The following PCDHA9 variants were observed in gnomAD, a reference collection of about 807,000 sequenced individuals.
The protein encoded by PCDHA9 is protocadherin alpha 9, also known as protocadherin alpha-9.
Under a neutral mutation model 62.0 loss-of-function variants are expected in PCDHA9, and 62 were observed. That is an observed-to-expected ratio of 1.00 (90% confidence interval 0.81 to 1.23). The LOEUF is 1.23. PCDHA9 is among the 50% of genes most tolerant of loss of function. The pLI is 0.00. For synonymous variants in PCDHA9, 557 were observed against 567.6 expected (o/e 0.98, Z 0.27); for missense variants, 1,205 against 1,249.8 (o/e 0.96, Z 0.54).
chr5:140,969,205 C>G (rs1046509500), intron 1 of PCDHA9: 6 of 1,614,130 alleles, frequency 3.7e-6, no homozygotes, highest in East Asian at 2.2e-5. Context: ...ATACAGGGGC[C>G]CAGACAGGAC....
chr5:140,900,178 T>C (rs972449455), intron 1 of PCDHA9, among the ~76,000 whole-genome samples: 2 of 152,238 alleles, frequency 1.3e-5, no homozygotes, highest in African/African-American at 2.4e-5. Context: ...GCCTGGTTTA[T>C]GTCACTTATA....
chr5:140,922,722 T>C (rs2153565730), intron 1 of PCDHA9, among the ~76,000 whole-genome samples: 1 of 151,972 alleles, frequency 6.6e-6, no homozygotes, highest in Non-Finnish European at 1.5e-5. Context: ...AAAGAAACAC[T>C]TGACAAGGTT....
At chr5:140,902,043 G>A (rs1294111308) in intron 1 of PCDHA9, among the ~76,000 whole-genome samples, 2 of 151,980 alleles carry the variant, frequency 1.3e-5, no homozygotes, top group Non-Finnish European at 2.9e-5. Flanking sequence ...TTTGTATGTT[G>A]ATTTTGTATC....
At chr5:140,971,642 A>T (rs1586490477) in intron 1 of PCDHA9, among the ~76,000 whole-genome samples, 1 of 152,330 alleles carries the variant, frequency 6.6e-6, no homozygotes. Context: ...ATGTGCCTAC[A>T]TTAAAAGTAG....
intron 1 of PCDHA9, chr5:140,854,159 C>A (rs1172794260): frequency 2.5e-3 from 847 of 341,142 alleles, no homozygotes; most frequent in Admixed American, 7.6e-3. Context: ...GATTCTGTCT[C>A]AAAAAAAAAA....
chr5:140,850,632 C>G lies in PCDHA9; in HGVS notation c.2137C>G (p.Leu713Val). The G allele has an allele frequency of 6.3e-7, 1 of 1,598,646 alleles. No individual in the cohort carries two copies. The highest frequency in any genetic ancestry group is 8.6e-7 in the Non-Finnish European group (1 of 1,167,876). Residue 713 changes from leucine (L) to valine (V), a missense_variant, in exon 1 of 4, where the codon CTC becomes GTC. By Grantham distance (32) the Leu-to-Val change is conservative. Coordinates refer to ENST00000532602, the MANE Select transcript of PCDHA9 (RefSeq NM_031857.2). ...CTGCGCGGTGTCTAGCCTGTTGGTT[C>G]TCACGCTGCTGCTGTACACTGTGCT... ...AICAVSSLLV[L>V]TLLLYTVLRC...
intron 1 of PCDHA9, among the ~76,000 whole-genome samples, chr5:140,892,881 A>G (rs1562868071): frequency 6.6e-6 from 1 of 152,120 alleles, no homozygotes. Context: ...TTTCGTATCC[A>G]TTAACCAACC....
intron 3 of PCDHA9, among the ~76,000 whole-genome samples, chr5:140,984,425 A>G (rs1488284803): frequency 6.6e-6 from 1 of 152,174 alleles, no homozygotes; most frequent in Non-Finnish European, 1.5e-5. Context: ...GAGATAGAGA[A>G]GGGGATCTCC....
At position 141,010,062 on chromosome 5, in the gene PCDHA9, A is replaced by G. The variant is rs1310704954; in HGVS notation, c.*125A>G. The G allele has an allele frequency of 8.1e-6, 13 of 1,602,422 alleles. No individual in the cohort carries two copies. Among genetic ancestry groups the G allele is most frequent in the African/African-American group, 2.7e-5 (2 of 74,284 alleles). On this transcript the variant is annotated 3_prime_UTR_variant, in exon 4 of 4. Transcript: ENST00000532602. Reference sequence around the variant, plus strand: ...CCTCTTAGAGACCTCAGAAATCTGCAGAAAGTTCCCTGTGTCTGTCTAGAA... The same window carrying G: ...CCTCTTAGAGACCTCAGAAATCTGCGGAAAGTTCCCTGTGTCTGTCTAGAA...
intron 1 of PCDHA9, chr5:140,851,319 T>C (rs1340345627): frequency 7.1e-6 from 7 of 992,898 alleles, no homozygotes; most frequent in Non-Finnish European, 8.6e-6. Flanking sequence ...GTTACCTTGT[T>C]AAGTTTGTAG....
At chr5:140,883,504 C>G in intron 1 of PCDHA9, 1 of 1,614,172 alleles carries the variant, frequency 6.2e-7, no homozygotes, top group East Asian at 2.2e-5. Context: ...TGGACAGCGC[C>G]CTGGACCGCG....
chr5:140,856,891 C>G (rs1432277991), intron 1 of PCDHA9: 3 of 1,595,930 alleles, frequency 1.9e-6, no homozygotes, highest in African/African-American at 2.7e-5. Context: ...ATTCATTTAG[C>G]TCTTTGGTCC....
At chr5:140,977,588 A>G (rs1237547807) in intron 1 of PCDHA9, among the ~76,000 whole-genome samples, 1 of 152,182 alleles carries the variant, frequency 6.6e-6, no homozygotes, top group Non-Finnish European at 1.5e-5. Context: ...GAGAGCAGTT[A>G]GCATGTGAGG....
In PCDHA9 at chr5:140,850,283, A is replaced by C. The variant is rs143335350; in HGVS notation, c.1788A>C (p.Ala596=). The C allele has an allele frequency of 4.9e-5, 78 of 1,595,592 alleles. 6 individuals carry two copies. In the African/African-American group the frequency reaches 9.3e-4, roughly 19 times the overall value. The change falls in exon 1 of 4, where the codon GCA becomes GCC. Residue 596 remains alanine (A), a synonymous_variant. Coordinates refer to ENST00000532602, the MANE Select transcript of PCDHA9 (RefSeq NM_031857.2). The part of the protein sequence containing the change: ...GAGVVVGKVR[A]VDADSGYNAW... ...GCGTAGTGGTGGGGAAGGTGCGCGC[A>C]GTGGACGCCGACTCGGGCTACAACG...
intron 1 of PCDHA9, chr5:140,857,495 G>T: frequency 6.3e-7 from 1 of 1,598,344 alleles, no homozygotes; most frequent in Non-Finnish European, 8.6e-7. Context: ...GGACGCGGAC[G>T]CGCAGGAGAA....
intron 1 of PCDHA9, chr5:140,927,472 G>A (rs201932518): frequency 1.6e-4 from 264 of 1,614,094 alleles, no homozygotes; most frequent in Non-Finnish European, 2.0e-4. Context: ...ACTGGATCGC[G>A]AACAGCGCGC....
rs1215623176 is a variant in PCDHA9 at position 140,858,135 on chromosome 5, T to A, written c.2394+7246T>A. On this transcript the variant is annotated intron_variant, in intron 1 of 3. Transcript: ENST00000532602. ...GAGGTGGCCCTGGTGGATGTCAACG[T>A]GTACCTGATCATCGCCATCTGCGCG... is the stretch of plus-strand genomic sequence containing the variant. 2 of 1,597,334 alleles carry A rather than the reference T, an allele frequency of 1.3e-6. 1 individual carries two copies. Among genetic ancestry groups the A allele is most frequent in the Non-Finnish European group, 1.7e-6 (2 of 1,167,406 alleles).
chr5:140,863,150 AC>A (rs1554157831), intron 1 of PCDHA9: 2 of 619,160 alleles, frequency 3.2e-6, no homozygotes, highest in Non-Finnish European at 6.2e-6. Context: ...CTGGTGAAGG[AC>A]CACTGCGAGC....
At chr5:140,882,361 C>T (rs2059095511) in intron 1 of PCDHA9, 1 of 1,614,204 alleles carries the variant, frequency 6.2e-7, no homozygotes, top group Non-Finnish European at 8.5e-7. Context: ...GTGGCCAGCT[C>T]CACTACTCCG....
Sources: gnomAD v4.1 joint callset for allele counts (sites outside exome capture counted in the v4.1 genomes callset) on GRCh38, gnomAD v4.1.1 for gene constraint, MANE v1.5 for transcripts, NCBI Gene and HGNC (gene_info 2026-07-23, HGNC 2026-07-21) for gene names.